ACYP2: variants seen among roughly 807,000 people sequenced by gnomAD.
The protein encoded by ACYP2 is acylphosphatase-2.
Under a neutral mutation model 11.2 loss-of-function variants are expected in ACYP2, and 12 were observed. The ratio of observed to expected loss-of-function variants is 1.08; its 90% CI spans 0.69 to 1.74. The LOEUF is 1.74. ACYP2 is among the 40% of genes most tolerant of loss of function. The pLI is 0.00. For missense variants in ACYP2, 134 were observed against 101.9 expected (o/e 1.31, Z -1.35); for synonymous variants, 43 against 32.2 (o/e 1.33, Z -1.13).
intron 2 of ACYP2, among the ~76,000 whole-genome samples, chr2:53,979,060 T>TA (rs983643188): frequency 3.8e-3 from 560 of 146,190 alleles, no homozygotes; most frequent in Non-Finnish European, 5.7e-3. Context: ...TTCTACTTAT[T>TA]AAAAAAAAAA....
chr2:53,991,781 G>T (rs1483513698), intron 2 of ACYP2, among the ~76,000 whole-genome samples: 5 of 151,800 alleles, frequency 3.3e-5, no homozygotes, highest in Non-Finnish European at 5.9e-5. Context: ...TTTTTTTTAA[G>T]TTTTTTATAT....
intron 4 of ACYP2, among the ~76,000 whole-genome samples, chr2:54,092,631 G>A (rs1296171586): frequency 6.6e-6 from 1 of 152,168 alleles, no homozygotes; most frequent in Admixed American, 6.5e-5. Flanking sequence ...GGCTTTGAGA[G>A]CAGCTACAGA....
At chr2:54,148,370 G>A (rs1324467672) in intron 6 of ACYP2, among the ~76,000 whole-genome samples, 2 of 152,168 alleles carry the variant, frequency 1.3e-5, no homozygotes, top group Non-Finnish European at 2.9e-5. Context: ...GGGGCTTCAG[G>A]TGAAAGAAGA....
intron 6 of ACYP2, among the ~76,000 whole-genome samples, chr2:54,180,834 C>T (rs751704950): frequency 4.6e-5 from 7 of 152,146 alleles, no homozygotes; most frequent in African/African-American, 9.7e-5. Flanking sequence ...AGATTTCAGG[C>T]GTGAACCACT....
intron 3 of ACYP2, among the ~76,000 whole-genome samples, chr2:54,055,391 T>C (rs1261961274): frequency 2.0e-5 from 3 of 152,194 alleles, no homozygotes; most frequent in African/African-American, 7.2e-5. Flanking sequence ...AATAAAATTA[T>C]TATTTATAGT....
At chr2:54,012,178 G>C (rs1003812444) in intron 2 of ACYP2, among the ~76,000 whole-genome samples, 19 of 151,784 alleles carry the variant, frequency 1.3e-4, no homozygotes, top group Admixed American at 1.3e-4. Flanking sequence ...TGAGGTTGCA[G>C]TGAGCTGAGA....
At chr2:54,229,528 AACAG>A (rs1686145670) in intron 6 of ACYP2, among the ~76,000 whole-genome samples, 2 of 152,322 alleles carry the variant, frequency 1.3e-5, no homozygotes, top group South Asian at 4.1e-4. Context: ...TGATATCCTT[AACAG>A]ACAGAGTAAA....
intron 2 of ACYP2, among the ~76,000 whole-genome samples, chr2:53,990,831 C>A (rs1672254381): frequency 6.6e-6 from 1 of 151,626 alleles, no homozygotes; most frequent in African/African-American, 2.4e-5. Flanking sequence ...GAGTCTCGCT[C>A]TGTCGCCCAG....
chr2:54,075,926 TTC>T (rs1400604159), intron 4 of ACYP2, among the ~76,000 whole-genome samples: 11 of 152,242 alleles, frequency 7.2e-5, no homozygotes, highest in Non-Finnish European at 1.6e-4. Context: ...ATATTGATAT[TTC>T]TCTTTTTTAT....
At chr2:54,064,815 G>A (rs973817447) in intron 4 of ACYP2, among the ~76,000 whole-genome samples, 4 of 152,196 alleles carry the variant, frequency 2.6e-5, no homozygotes, top group Non-Finnish European at 5.9e-5. Flanking sequence ...CGCCAGCACG[G>A]TGGCTCACGC....
chr2:54,099,923 T>G (rs1347447805), intron 4 of ACYP2, among the ~76,000 whole-genome samples: 1 of 152,176 alleles, frequency 6.6e-6, no homozygotes, highest in African/African-American at 2.4e-5. Context: ...ATGCGCAATG[T>G]TCCCTTTTCT....
intron 6 of ACYP2, chr2:54,253,046 C>G (rs755573346): frequency 6.6e-6 from 1 of 152,322 alleles, no homozygotes; most frequent in Non-Finnish European, 1.5e-5. Context: ...AACCCCATCT[C>G]TACTAAAAAT....
At chr2:54,068,765 T>C (rs1053481689) in intron 4 of ACYP2, among the ~76,000 whole-genome samples, 1 of 152,080 alleles carries the variant, frequency 6.6e-6, no homozygotes, top group African/African-American at 2.4e-5. Flanking sequence ...AATATAATCT[T>C]ACACAGGCTG....
intron 6 of ACYP2, among the ~76,000 whole-genome samples, chr2:54,249,274 A>G (rs1687097723): frequency 6.6e-6 from 1 of 152,118 alleles, no homozygotes; most frequent in Non-Finnish European, 1.5e-5. Context: ...TGGAAAGGGA[A>G]CAATTCTGGA....
rs56673055 is a variant in ACYP2, at chr2:54,141,983, T to TTGTGTG, written c.404+3259_404+3264dup. On this transcript the variant is annotated intron_variant, in intron 6 of 6. Coordinates refer to ENST00000607452, the MANE Select transcript of ACYP2 (RefSeq NM_001320586.2). The stretch of plus-strand genomic sequence containing the variant: ...CTCCTGAGTGCACATGCTGGCTAAT[T>TTGTGTG]TGTGTGTGTGTGTGTGTGTGTGTGT... 3,103 of 458,254 alleles carry TTGTGTG rather than the reference T, an allele frequency of 6.8e-3. 11 individuals are homozygous for TTGTGTG. Among genetic ancestry groups the TTGTGTG allele is most frequent in the African/African-American group, 0.016 (786 of 49,266 alleles). 28.4% of individuals were successfully genotyped at this position (458,254 alleles called of 1,614,324 possible).
intron 6 of ACYP2, among the ~76,000 whole-genome samples, chr2:54,187,408 C>A (rs1684059358): frequency 6.6e-6 from 1 of 152,074 alleles, no homozygotes; most frequent in African/African-American, 2.4e-5. Context: ...GGTAGTGTTG[C>A]CGGAGGGAGA....
chr2:54,155,916 A>G (rs1162252503), intron 6 of ACYP2, among the ~76,000 whole-genome samples: 1 of 152,232 alleles, frequency 6.6e-6, no homozygotes, highest in Non-Finnish European at 1.5e-5. Context: ...CATTATTATC[A>G]GAGAAGATAC....
intron 6 of ACYP2, among the ~76,000 whole-genome samples, chr2:54,164,908 G>A (rs1682884931): frequency 6.6e-6 from 1 of 152,110 alleles, no homozygotes; most frequent in African/African-American, 2.4e-5. Flanking sequence ...TCCCCTCCCT[G>A]TGTCATGTGT....
intron 6 of ACYP2, among the ~76,000 whole-genome samples, chr2:54,160,136 G>A (rs910453536): frequency 1.3e-5 from 2 of 152,120 alleles, no homozygotes; most frequent in African/African-American, 4.8e-5. Flanking sequence ...AATATATAGG[G>A]GACTGGAGGT....
Sources: gnomAD v4.1 joint callset for allele counts (sites outside exome capture counted in the v4.1 genomes callset) on GRCh38, gnomAD v4.1.1 for gene constraint, MANE v1.5 for transcripts, NCBI Gene and HGNC (gene_info 2026-07-23, HGNC 2026-07-21) for gene names.